The following WDR70 variants were observed in gnomAD, a reference collection of about 807,000 sequenced individuals.
WDR70 encodes the protein WD repeat-containing protein 70.
A neutral mutation model predicts 88.6 loss-of-function variants in WDR70; 53 were observed. That is an observed-to-expected ratio of 0.60 (90% confidence interval 0.48 to 0.75). The LOEUF (loss-of-function observed/expected upper bound fraction) is 0.75. Ranked by LOEUF, WDR70 falls within the 30% of genes least tolerant of loss-of-function variation. The pLI is 0.00. For missense variants in WDR70, 610 were observed against 823.2 expected, an observed-to-expected ratio of 0.74 and a Z score of 3.17; for synonymous variants, 280 against 270.0, an observed-to-expected ratio of 1.04 and a Z score of -0.36.
chr5:37,703,046 A>G lies in WDR70; in HGVS notation c.1375A>G (p.Arg459Gly). ...CGGCAAACTTGTTTTCTTTGAGCGT[A>G]GGACTTTCCAAAGGGTGTATGAAAT... is the stretch of plus-strand genomic sequence containing the variant. ...GSGKLVFFER[R>G]TFQRVYEIDI... Residue 459 changes from arginine to glycine, a missense_variant, in exon 13 of 18, where the codon AGG becomes GGG. Transcript: ENST00000265107. 6.2e-7 allele frequency: 1 copy of G among 1,613,864 alleles called. No homozygotes were observed. The highest frequency in any genetic ancestry group is 2.2e-5 in the East Asian group (1 of 44,870).
intron 7 of WDR70, 63 bp from the exon 8 acceptor site, chr5:37,479,771 A>G (rs1739602731): frequency 2.0e-6 from 3 of 1,510,790 alleles, no homozygotes; most frequent in Non-Finnish European, 1.8e-6. Context: ...GCAATACTTA[A>G]TGTAGTAAAA....
At chr5:37,545,273 G>A (rs1741950931) in intron 9 of WDR70, among the ~76,000 whole-genome samples, 1 of 152,114 alleles carries the variant, frequency 6.6e-6, no homozygotes, top group South Asian at 2.1e-4. Flanking sequence ...TGGAGATAGG[G>A]TAGTGTTGGT....
chr5:37,544,820 A>T (rs1296993957), intron 9 of WDR70, among the ~76,000 whole-genome samples: 1 of 152,192 alleles, frequency 6.6e-6, no homozygotes, highest in Non-Finnish European at 1.5e-5. Flanking sequence ...TATAGAGCAG[A>T]TGTGGGTCAT....
intron 5 of WDR70, among the ~76,000 whole-genome samples, chr5:37,398,424 ATG>A (rs1331770284): frequency 6.6e-6 from 1 of 152,118 alleles, no homozygotes; most frequent in Non-Finnish European, 1.5e-5. Flanking sequence ...TCCCTTCTTT[ATG>A]TGATGAATTA....
chr5:37,699,356 ACACAGT>A (rs1332321423), intron 11 of WDR70, among the ~76,000 whole-genome samples: 3 of 143,588 alleles, frequency 2.1e-5, no homozygotes, highest in Non-Finnish European at 3.0e-5. Flanking sequence ...ACACACACAC[ACACAGT>A]GTGTGTGTGT....
At chr5:37,666,634 G>A (rs1745850842) in intron 10 of WDR70, among the ~76,000 whole-genome samples, 1 of 152,170 alleles carries the variant, frequency 6.6e-6, no homozygotes, top group Admixed American at 6.5e-5. Flanking sequence ...GACAGGACTG[G>A]CCTAGCAAGG....
intron 9 of WDR70, among the ~76,000 whole-genome samples, chr5:37,566,017 T>A (rs1742730423): frequency 6.6e-6 from 1 of 152,104 alleles, no homozygotes; most frequent in African/African-American, 2.4e-5. Context: ...CAATTCAGTG[T>A]TTTTTAGTAT....
chr5:37,381,827 G>A, intron 3 of WDR70, 142 bp downstream of exon 3: 2 of 649,974 alleles, frequency 3.1e-6, no homozygotes, highest in South Asian at 1.7e-5. Flanking sequence ...GCCAAGGCGG[G>A]CAGATCACCT....
intron 10 of WDR70, among the ~76,000 whole-genome samples, chr5:37,645,492 TG>T (rs1288644678): frequency 6.6e-6 from 1 of 152,162 alleles, no homozygotes; most frequent in African/African-American, 2.4e-5. Context: ...TAGGTCCTTT[TG>T]GTCTATAGTG....
intron 5 of WDR70, among the ~76,000 whole-genome samples, chr5:37,397,240 T>TA (rs1276623710): frequency 7.1e-6 from 1 of 140,018 alleles, no homozygotes; most frequent in Non-Finnish European, 1.5e-5. Flanking sequence ...AGAAAACAAC[T>TA]AAAAAATAAT....
At chr5:37,577,741 G>C (rs1343694333) in intron 9 of WDR70, among the ~76,000 whole-genome samples, 1 of 152,188 alleles carries the variant, frequency 6.6e-6, no homozygotes, top group Non-Finnish European at 1.5e-5. Context: ...ATACAGGGAA[G>C]GTAGGAGGAG....
intron 10 of WDR70, among the ~76,000 whole-genome samples, chr5:37,654,243 G>A (rs1290213374): frequency 6.6e-6 from 1 of 152,168 alleles, no homozygotes; most frequent in Non-Finnish European, 1.5e-5. Context: ...TTACCATGTA[G>A]TTGCATGGTT....
chr5:37,523,316 G>C (rs561045022), intron 9 of WDR70, among the ~76,000 whole-genome samples: 33 of 152,350 alleles, frequency 2.2e-4, no homozygotes, highest in African/African-American at 7.9e-4. Flanking sequence ...AACATTTGCT[G>C]TTCAGCAATA....
chr5:37,677,139 G>A (rs1200696227), intron 10 of WDR70, among the ~76,000 whole-genome samples: 6 of 151,756 alleles, frequency 4.0e-5, no homozygotes, highest in Admixed American at 3.9e-4. Flanking sequence ...TTCTTTATTA[G>A]TCTTGCTAGT....
chr5:37,667,602 T>A (rs1018806610), intron 10 of WDR70, among the ~76,000 whole-genome samples: 12 of 152,178 alleles, frequency 7.9e-5, no homozygotes, highest in Admixed American at 6.5e-5. Flanking sequence ...TCCTCTTTTT[T>A]ATAAATAAAG....
chr5:37,517,886 T>C (rs1462217098), intron 9 of WDR70, among the ~76,000 whole-genome samples: 1 of 147,708 alleles, frequency 6.8e-6, no homozygotes, highest in Non-Finnish European at 1.5e-5. Flanking sequence ...ATATATTATT[T>C]ATTTATTATA....
At chr5:37,593,837 C>T (rs372604062) in intron 9 of WDR70, among the ~76,000 whole-genome samples, 1 of 152,170 alleles carries the variant, frequency 6.6e-6, no homozygotes, top group African/African-American at 2.4e-5. Flanking sequence ...TTAATGATTG[C>T]CATTCTTACT....
intron 6 of WDR70, among the ~76,000 whole-genome samples, chr5:37,440,134 T>C (rs947659242): frequency 6.6e-6 from 1 of 152,216 alleles, no homozygotes; most frequent in Non-Finnish European, 1.5e-5. Flanking sequence ...ATCATGTTTA[T>C]TTTTTATATC....
chr5:37,474,500 A>G (rs1000910041), intron 7 of WDR70, among the ~76,000 whole-genome samples: 1 of 152,186 alleles, frequency 6.6e-6, no homozygotes, highest in Admixed American at 6.5e-5. Flanking sequence ...ACTAGGCATG[A>G]GCACACTTAG....
Sources: gnomAD v4.1 joint callset for allele counts (sites outside exome capture counted in the v4.1 genomes callset) on GRCh38, gnomAD v4.1.1 for gene constraint, MANE v1.5 for transcripts, NCBI Gene and HGNC (gene_info 2026-07-23, HGNC 2026-07-21) for gene names.